MBOAT4: variants seen among roughly 807,000 people sequenced by gnomAD.
MBOAT4 encodes the protein membrane-bound ghrelin O-acyltransferase MBOAT4.
In MBOAT4, 11 loss-of-function variants were observed where a neutral mutation model predicts 13.2. That is an observed-to-expected ratio of 0.84 (90% CI 0.53 to 1.38). The LOEUF is 1.38. MBOAT4 is among the 40% of genes most tolerant of loss of function. The probability of loss-of-function intolerance (pLI) is 0.00; values close to 1 mark genes in which losing one functional copy is unlikely to be tolerated. For synonymous variants in MBOAT4, 202 were observed against 210.3 expected (o/e 0.96, Z 0.34); for missense variants, 481 against 527.2 (o/e 0.91, Z 0.86).
At chr8:30,138,824 TCA>T (rs1165829677) in intron 1 of MBOAT4, 68 bp from the exon 2 acceptor site, 14 of 1,279,700 alleles carry the variant, frequency 1.1e-5, no homozygotes, top group Non-Finnish European at 1.5e-5. Flanking sequence ...ACTGCAGATG[TCA>T]CTCCAGGGAA....
chr8:30,139,279 G>A (rs368623763), intron 1 of MBOAT4, among the ~76,000 whole-genome samples: 2 of 62,492 alleles, frequency 3.2e-5, no homozygotes, highest in African/African-American at 5.5e-5. Context: ...TCCTGCCTTA[G>A]TGGCCCTGGA....
intron 1 of MBOAT4, among the ~76,000 whole-genome samples, chr8:30,143,368 T>A (rs867899423): frequency 0.17 from 3,088 of 18,000 alleles, 120 homozygotes; most frequent in East Asian, 0.23. Flanking sequence ...AAAAAAAAAA[T>A]ATATATATAT....
intron 1 of MBOAT4, among the ~76,000 whole-genome samples, chr8:30,141,775 A>G (rs937030325): frequency 1.3e-5 from 2 of 152,216 alleles, no homozygotes; most frequent in African/African-American, 2.4e-5. Context: ...AGGAAACACC[A>G]TTGCAAGGCA....
At chr8:30,139,793 AC>A (rs11289984) in intron 1 of MBOAT4, among the ~76,000 whole-genome samples, 123,210 of 149,274 alleles carry the variant, frequency 0.83, 51,713 homozygotes, top group Middle Eastern at 0.93. Flanking sequence ...TCCCATCTCT[AC>A]AAAAAAAAAA....
At chr8:30,139,013 A>C (rs1803213275) in intron 1 of MBOAT4, among the ~76,000 whole-genome samples, 1 of 150,490 alleles carries the variant, frequency 6.6e-6, no homozygotes, top group Non-Finnish European at 1.5e-5. Context: ...TCTCTCTGTC[A>C]CCCAGGGTGA....
chr8:30,133,491 C>G (rs1803070779), intron 2 of MBOAT4, among the ~76,000 whole-genome samples: 1 of 152,152 alleles, frequency 6.6e-6, no homozygotes, highest in East Asian at 1.9e-4. Flanking sequence ...GAGAAGCTTC[C>G]CAGGGATCTC....
rs1261831577 is a variant in MBOAT4 at position 30,132,211 on chromosome 8, C to G, written c.1040G>C (p.Gly347Ala). Reference sequence around the variant, plus strand: ...CACCATCACGGCCCAGCAAACGAAACCAAACACCTGTCCTGGATGGAGTCC... The same window carrying G: ...CACCATCACGGCCCAGCAAACGAAAGCAAACACCTGTCCTGGATGGAGTCC... ...WHGLHPGQVF[G>A]FVCWAVMVEA... The change falls in exon 3 of 3, where the codon GGT becomes GCT. Residue 347 changes from glycine (G) to alanine (A), a missense_variant. Transcript: ENST00000320542. 7.7e-6 allele frequency: 12 copies of G among 1,551,866 alleles called. No individual in the cohort carries two copies. Among genetic ancestry groups the G allele is most frequent in the Non-Finnish European group, 9.6e-6 (11 of 1,147,038 alleles).
At position 30,137,502 on chromosome 8, in the gene MBOAT4, A is replaced by G. The variant is rs771891485; in HGVS notation, c.344+1030T>C. ...TTTGCCCTCCCTCTCAGGCACAATG[A>G]CAACTACTGCTCAGTGCCAGACACT... On this transcript the variant is annotated intron_variant, in intron 2 of 2. Coordinates refer to ENST00000320542, the MANE Select transcript of MBOAT4 (RefSeq NM_001100916.2). 1.7e-5 allele frequency: 27 copies of G among 1,548,694 alleles called. No individual in the cohort carries two copies. The South Asian group carries it at 3.0e-4, about 17-fold the overall frequency.
chr8:30,143,062 G>A (rs540164263), intron 1 of MBOAT4, among the ~76,000 whole-genome samples: 1 of 152,104 alleles, frequency 6.6e-6, no homozygotes, highest in Non-Finnish European at 1.5e-5. Flanking sequence ...CTTGGGTACT[G>A]TGCTCACTAC....
Position 30,131,891 on chromosome 8 carries a change from G to T in MBOAT4, c.*52C>A. ...GTATGCATTATCGATGCGTCATCTG[G>T]CACTTTCTAAAATGTTTCCTGGGTG... is the stretch of plus-strand genomic sequence containing the variant. On this transcript the variant is annotated 3_prime_UTR_variant, in exon 3 of 3. Coordinates refer to ENST00000320542, the MANE Select transcript of MBOAT4 (RefSeq NM_001100916.2). 2 of 1,492,568 alleles carry T rather than the reference G, an allele frequency of 1.3e-6. No homozygotes were observed. Among genetic ancestry groups the T allele is most frequent in the South Asian group, 1.4e-5 (1 of 73,376 alleles). 92.5% of individuals were successfully genotyped at this position (1,492,568 alleles called of 1,614,324 possible). A position where few individuals can be genotyped will look rare whatever the true frequency, so the allele number is the denominator to read the frequency against.
intron 2 of MBOAT4, among the ~76,000 whole-genome samples, chr8:30,136,738 T>TTTC (rs1341765778): frequency 6.6e-6 from 1 of 151,864 alleles, no homozygotes; most frequent in African/African-American, 2.4e-5. Context: ...AACTTTTTTT[T>TTTC]TTTTTTTTGA....
intron 1 of MBOAT4, among the ~76,000 whole-genome samples, chr8:30,142,949 G>A (rs1056132610): frequency 2.0e-5 from 3 of 152,236 alleles, no homozygotes; most frequent in South Asian, 2.1e-4. Flanking sequence ...TGAATTATTA[G>A]GAAGTGGCCC....
At chr8:30,140,434 G>T (rs1048909726) in intron 1 of MBOAT4, among the ~76,000 whole-genome samples, 4 of 152,236 alleles carry the variant, frequency 2.6e-5, no homozygotes, top group African/African-American at 9.6e-5. Flanking sequence ...ACTGGCTTTT[G>T]GGGCCCCCTG....
intron 2 of MBOAT4, among the ~76,000 whole-genome samples, chr8:30,135,260 A>G (rs2117538943): frequency 6.6e-6 from 1 of 152,164 alleles, no homozygotes; most frequent in East Asian, 1.9e-4. Context: ...GATCATGTAA[A>G]TGGGGAAATT....
At chr8:30,137,208 G>C in intron 2 of MBOAT4, 1 of 1,204,516 alleles carries the variant, frequency 8.3e-7, no homozygotes, top group Non-Finnish European at 1.2e-6. Flanking sequence ...TCATCTCAGG[G>C]ATCTTGCTGA....
intron 2 of MBOAT4, among the ~76,000 whole-genome samples, chr8:30,134,316 G>A (rs939449453): frequency 1.2e-4 from 18 of 151,910 alleles, no homozygotes; most frequent in African/African-American, 2.7e-4. Flanking sequence ...CTAGCTACTC[G>A]GGAGGCTGAG....
intron 1 of MBOAT4, among the ~76,000 whole-genome samples, chr8:30,143,347 C>CAAAAAAAAAAA (rs776274086): frequency 2.1e-5 from 3 of 143,592 alleles, no homozygotes; most frequent in African/African-American, 8.4e-5. Context: ...GACTCCGTCT[C>CAAAAAAAAAAA]AAAAAAAAAA....
At chr8:30,134,731 A>G (rs1286769204) in intron 2 of MBOAT4, among the ~76,000 whole-genome samples, 2 of 152,060 alleles carry the variant, frequency 1.3e-5, no homozygotes, top group Non-Finnish European at 2.9e-5. Context: ...TATTTTTAGT[A>G]GAGACAGGGT....
intron 1 of MBOAT4, among the ~76,000 whole-genome samples, chr8:30,141,506 C>T (rs1385568929): frequency 1.3e-5 from 2 of 151,874 alleles, no homozygotes; most frequent in Non-Finnish European, 2.9e-5. Context: ...GGTATGGTGG[C>T]GGGCCCCTGT....
Sources: gnomAD v4.1 joint callset for allele counts (sites outside exome capture counted in the v4.1 genomes callset) on GRCh38, gnomAD v4.1.1 for gene constraint, MANE v1.5 for transcripts, NCBI Gene and HGNC (gene_info 2026-07-23, HGNC 2026-07-21) for gene names.